SNCAIP: variants seen among roughly 807,000 people sequenced by gnomAD.
SNCAIP encodes the protein synuclein alpha interacting protein, also known as synphilin-1.
SNCAIP carries 43 observed loss-of-function variants against 86.7 expected under a neutral mutation model. The observed-to-expected ratio is 0.50, with a 90% CI of 0.39 to 0.64. The LOEUF (loss-of-function observed/expected upper bound fraction) is 0.64. SNCAIP is among the 30% of genes least tolerant of loss of function. The pLI is 0.00. For synonymous variants in SNCAIP, 417 were observed against 427.2 expected, an observed-to-expected ratio of 0.98 and a Z score of 0.29; for missense variants, 981 against 1,103.1, an observed-to-expected ratio of 0.89 and a Z score of 1.57.
At chr5:122,423,879 T>TG (rs1776873260) in intron 4 of SNCAIP, 140 bp downstream of exon 4, 1 of 715,274 alleles carries the variant, frequency 1.4e-6, no homozygotes, top group Non-Finnish European at 2.3e-6. Flanking sequence ...TTGGGAGATG[T>TG]GACCTTTTGA....
intron 4 of SNCAIP, 103 bp from the exon 5 acceptor site, chr5:122,425,249 C>G (rs1777124207): frequency 8.0e-6 from 7 of 880,334 alleles, no homozygotes; most frequent in Non-Finnish European, 1.4e-5. Context: ...GCCACCAGAG[C>G]TTCTATAAGC....
intron 7 of SNCAIP, chr5:122,443,525 A>G (rs1781561445): frequency 2.3e-6 from 1 of 443,566 alleles, no homozygotes; most frequent in Non-Finnish European, 4.5e-6. Context: ...GCCTCTTTAA[A>G]ATCTCAGTCT....
chr5:122,322,304 A>G (rs578092222), intron 1 of SNCAIP, among the ~76,000 whole-genome samples: 28 of 152,374 alleles, frequency 1.8e-4, no homozygotes, highest in Admixed American at 1.6e-3. Flanking sequence ...GTCACTTCAA[A>G]TAATTCATAT....
intron 1 of SNCAIP, among the ~76,000 whole-genome samples, chr5:122,358,521 A>T (rs1487785675): frequency 1.3e-5 from 2 of 151,810 alleles, no homozygotes; most frequent in African/African-American, 4.8e-5. Flanking sequence ...GACTTCCGGG[A>T]GAAAGGCACA....
chr5:122,356,095 CTTTTTTT>C (rs757246404), intron 1 of SNCAIP, among the ~76,000 whole-genome samples: 2 of 102,768 alleles, frequency 1.9e-5, no homozygotes, highest in African/African-American at 7.4e-5. Flanking sequence ...GTTAGCCTTT[CTTTTTTT>C]TTTTTTTTTT....
chr5:122,448,661 T>TAATATTATATATGTTA, intron 8 of SNCAIP, among the ~76,000 whole-genome samples: 1 of 110,940 alleles, frequency 9.0e-6, no homozygotes, highest in Non-Finnish European at 1.9e-5. Flanking sequence ...TTTATATATA[T>TAATATTATATATGTTA]TATATATATT....
intron 7 of SNCAIP, chr5:122,443,545 T>C (rs1424612184): frequency 8.8e-6 from 4 of 455,322 alleles, no homozygotes; most frequent in African/African-American, 4.0e-5. Context: ...TTACTTCTGA[T>C]TCAAAGCATT....
intron 2 of SNCAIP, among the ~76,000 whole-genome samples, chr5:122,395,934 C>G (rs768644935): frequency 6.6e-6 from 1 of 152,130 alleles, no homozygotes; most frequent in Non-Finnish European, 1.5e-5. Context: ...GTGACCAACA[C>G]TTTCATGTGG....
At chr5:122,452,586 A>C (rs1004322694) in intron 10 of SNCAIP, among the ~76,000 whole-genome samples, 4 of 152,236 alleles carry the variant, frequency 2.6e-5, no homozygotes, top group African/African-American at 9.6e-5. Flanking sequence ...TTTTAAATTA[A>C]ATATCAAATT....
chr5:122,425,309 CT>C (rs1187898856), intron 4 of SNCAIP, 42 bp from the exon 5 acceptor site: 2 of 1,510,416 alleles, frequency 1.3e-6, no homozygotes, highest in Non-Finnish European at 1.8e-6. Flanking sequence ...GGGTCTTGCT[CT>C]GATTTATTGA....
intron 10 of SNCAIP, among the ~76,000 whole-genome samples, chr5:122,457,206 T>C (rs1784970229): frequency 6.6e-6 from 1 of 152,126 alleles, no homozygotes; most frequent in South Asian, 2.1e-4. Context: ...TTTCACCCTG[T>C]TGGCCAGGCT....
chr5:122,328,596 C>T (rs1201691227), intron 1 of SNCAIP, among the ~76,000 whole-genome samples: 1 of 151,910 alleles, frequency 6.6e-6, no homozygotes. Flanking sequence ...TTTGGATTGT[C>T]ATTATTTTCT....
At chr5:122,385,389 A>C (rs914629054) in intron 1 of SNCAIP, among the ~76,000 whole-genome samples, 1 of 151,808 alleles carries the variant, frequency 6.6e-6, no homozygotes, top group Admixed American at 6.6e-5. Context: ...TGCCTCTATC[A>C]TTTTTCTGCT....
intron 1 of SNCAIP, among the ~76,000 whole-genome samples, chr5:122,346,341 C>T (rs1758619275): frequency 6.6e-6 from 1 of 152,032 alleles, no homozygotes; most frequent in Non-Finnish European, 1.5e-5. Context: ...TTTATTATTC[C>T]TTAGAATTCC....
chr5:122,414,440 AG>A (rs1339550488), intron 3 of SNCAIP, among the ~76,000 whole-genome samples: 4 of 152,080 alleles, frequency 2.6e-5, no homozygotes, highest in Admixed American at 1.3e-4. Context: ...CATGTTGGCC[AG>A]GCTGGTCATG....
intron 1 of SNCAIP, among the ~76,000 whole-genome samples, chr5:122,376,411 T>C (rs1026715700): frequency 1.3e-5 from 2 of 152,196 alleles, no homozygotes; most frequent in Non-Finnish European, 2.9e-5. Flanking sequence ...TAGTTTCTTG[T>C]ACATAACTGA....
intron 10 of SNCAIP, among the ~76,000 whole-genome samples, chr5:122,458,845 C>T (rs1785426542): frequency 1.3e-5 from 2 of 152,182 alleles, no homozygotes; most frequent in South Asian, 4.1e-4. Context: ...GGCCTAAGAG[C>T]TTCATGAAAA....
At chr5:122,413,345 C>A (rs1024802933) in intron 3 of SNCAIP, among the ~76,000 whole-genome samples, 3 of 152,154 alleles carry the variant, frequency 2.0e-5, no homozygotes, top group African/African-American at 7.2e-5. Flanking sequence ...GTGCTTCCTT[C>A]TACCTACTCA....
At chr5:122,426,757 G>T (rs1159036559) in intron 5 of SNCAIP, among the ~76,000 whole-genome samples, 7 of 152,150 alleles carry the variant, frequency 4.6e-5, no homozygotes, top group Admixed American at 4.6e-4. Context: ...CTATCATGAA[G>T]AAAGATAAAT....
Sources: gnomAD v4.1 joint callset for allele counts (sites outside exome capture counted in the v4.1 genomes callset) on GRCh38, gnomAD v4.1.1 for gene constraint, MANE v1.5 for transcripts, NCBI Gene and HGNC (gene_info 2026-07-23, HGNC 2026-07-21) for gene names.